The following HDAC11 variants were observed in gnomAD, a reference collection of about 807,000 sequenced individuals.
HDAC11 encodes the protein histone deacetylase 11.
HDAC11 carries 23 observed loss-of-function variants against 41.1 expected under a neutral mutation model. That is an observed-to-expected ratio of 0.56 (90% CI 0.40 to 0.79). The LOEUF is 0.79. Ranked by LOEUF, HDAC11 falls within the 30% of genes least tolerant of loss-of-function variation. The pLI is 0.00. For missense variants in HDAC11, 402 were observed against 477.3 expected (o/e 0.84, Z 1.47); for synonymous variants, 187 against 186.6 (o/e 1.00, Z -0.02).
intron 5 of HDAC11, among the ~76,000 whole-genome samples, chr3:13,499,124 C>G (rs1702238089): frequency 6.6e-6 from 1 of 152,212 alleles, no homozygotes; most frequent in South Asian, 2.1e-4. Flanking sequence ...ATTGTCCCTC[C>G]TGGAGGCACA....
At chr3:13,490,229 T>C (rs1398257058) in intron 3 of HDAC11, among the ~76,000 whole-genome samples, 1 of 152,148 alleles carries the variant, frequency 6.6e-6, no homozygotes, top group Non-Finnish European at 1.5e-5. Context: ...CCTGACCTCA[T>C]GATCTGCCTG....
chr3:13,492,187 C>T (rs575281396), intron 3 of HDAC11, among the ~76,000 whole-genome samples: 44 of 152,316 alleles, frequency 2.9e-4, no homozygotes, highest in African/African-American at 1.1e-3. Context: ...ATCTCTGGGG[C>T]GTGAATGTCA....
intron 3 of HDAC11, among the ~76,000 whole-genome samples, chr3:13,485,504 G>T (rs557427548): frequency 2.7e-4 from 41 of 152,340 alleles, no homozygotes; most frequent in South Asian, 1.2e-3. Flanking sequence ...CCAGGCTGGG[G>T]GTGGGGGGCC....
rs1702401089 is a variant in HDAC11, at chr3:13,502,202, G to GAGTGCAGAGCTC, written c.552+269_552+270insAGTGCAGAGCTC. On this transcript the variant is annotated intron_variant, in intron 7 of 9. Transcript: ENST00000295757. The surrounding 1 kb of genome is among the most constrained non-coding windows in gnomAD (Gnocchi z 4.1). ...AGCCCACTCTGATGGGACTGCTCTC[G>GAGTGCAGAGCTC]TGTGCAGAGCTCTGCTGTGGGTCCC... 2.0e-6 allele frequency: 1 copy of GAGTGCAGAGCTC among 497,316 alleles called. No individual in the cohort carries two copies. The highest frequency in any genetic ancestry group is 1.9e-5 in the African/African-American group (1 of 52,094). 30.8% of individuals were successfully genotyped at this position (497,316 alleles called of 1,614,324 possible).
chr3:13,481,986 C>T (rs1701341682), intron 2 of HDAC11, among the ~76,000 whole-genome samples: 1 of 152,156 alleles, frequency 6.6e-6, no homozygotes, highest in African/African-American at 2.4e-5. Context: ...CTTAATATGG[C>T]ACTCATTATA....
At chr3:13,498,470 G>A (rs778144960) in intron 4 of HDAC11, 43 bp from the exon 5 acceptor site, 3 of 1,612,950 alleles carry the variant, frequency 1.9e-6, no homozygotes, top group South Asian at 1.1e-5. Context: ...ATGACTGGTG[G>A]ATCGGCTGCC....
chr3:13,502,968 C>CAAGCTGGGTAA lies in HDAC11; in HGVS notation c.637_638insAAGCTGGGTAA (p.Arg213GlnfsTer4). 6.2e-7 allele frequency: 1 copy of CAAGCTGGGTAA among 1,613,354 alleles called. No homozygotes were observed. The highest frequency in any genetic ancestry group is 8.5e-7 in the Non-Finnish European group (1 of 1,179,516). On this transcript the variant is annotated stop_gained and frameshift_variant, in exon 8 of 10. Transcript: ENST00000295757. LOFTEE classifies it high-confidence loss of function. The surrounding 1 kb of genome is among the most constrained non-coding windows in gnomAD (Gnocchi z 4.1). The stretch of plus-strand genomic sequence containing the variant: ...CAACCGCCACATCTACCCAGGGGAC[C>CAAGCTGGGTAA]GCTTTGCCAAGCGTAAGCTGCTGCC...
intron 3 of HDAC11, among the ~76,000 whole-genome samples, chr3:13,487,974 C>T (rs1479336658): frequency 1.3e-5 from 2 of 151,768 alleles, no homozygotes; most frequent in Admixed American, 6.6e-5. Flanking sequence ...GGCTTACTAC[C>T]TGTGATCACA....
intron 1 of HDAC11, 42 bp from the exon 2 acceptor site, chr3:13,481,204 G>C (rs760882084): frequency 3.1e-6 from 5 of 1,591,468 alleles, no homozygotes; most frequent in Non-Finnish European, 4.3e-6. Context: ...GCTTTCTGCC[G>C]AGGCTGCCCC....
intron 3 of HDAC11, 80 bp from the exon 4 acceptor site, chr3:13,496,656 C>A: frequency 3.5e-6 from 3 of 857,276 alleles, no homozygotes; most frequent in Non-Finnish European, 3.8e-6. Context: ...GTCCTCAAGG[C>A]ATTTCCCGGG....
intron 3 of HDAC11, among the ~76,000 whole-genome samples, chr3:13,494,131 C>T (rs6796154): frequency 0.15 from 22,197 of 152,200 alleles, 1,944 homozygotes; most frequent in African/African-American, 0.24. Flanking sequence ...GAGTGCTGTG[C>T]GAGACCCGTG....
Position 13,500,777 on chromosome 3 carries a change from G to A in HDAC11, c.477G>A (p.Thr159=), listed in dbSNP as rs765720762. ...GCTTCTGTGCCTATGCGGACATCACGCTCGCCATCAAGGTGTGTCTATGAG... is the reference window on the plus strand; with the variant it reads ...GCTTCTGTGCCTATGCGGACATCACACTCGCCATCAAGGTGTGTCTATGAG... ...GGGFCAYADI[T]LAIKFLFERV... is the part of the protein sequence containing the mutation. The change falls in exon 6 of 10, where the codon ACG becomes ACA. Residue 159 remains threonine, a synonymous_variant. Transcript: ENST00000295757. The A allele has an allele frequency of 8.9e-6, 14 of 1,574,504 alleles. No homozygotes were observed. Among genetic ancestry groups the A allele is most frequent in the Middle Eastern group, 3.4e-4 (2 of 5,932 alleles).
chr3:13,481,507 G>T, intron 2 of HDAC11, 113 bp downstream of exon 2: 1 of 1,295,848 alleles, frequency 7.7e-7, no homozygotes, highest in East Asian at 2.3e-5. Context: ...TTCAGCCCTC[G>T]GATGGCCTTC....
intron 3 of HDAC11, among the ~76,000 whole-genome samples, chr3:13,492,287 GC>G (rs1214633202): frequency 1.3e-5 from 2 of 152,332 alleles, no homozygotes; most frequent in Non-Finnish European, 2.9e-5. Context: ...AGGTGAGGTG[GC>G]TTCTGTCAGG....
rs200639040 is a variant in HDAC11, at chr3:13,504,085, C to G, written c.650-9C>G. The G allele has an allele frequency of 8.4e-5, 136 of 1,613,402 alleles. 1 individual carries two copies. The African/African-American group carries it at 1.7e-3, about 20-fold the overall frequency. On this transcript the variant is annotated splice_polypyrimidine_tract_variant and intron_variant, in intron 8 of 9. Transcript: ENST00000295757. ...CTATAAATTGAGGCCATCCATGTCT[C>G]TCTCCCAGAGGCCATCAGGCGGAAG...
At chr3:13,493,308 C>G (rs897067749) in intron 3 of HDAC11, among the ~76,000 whole-genome samples, 2 of 152,082 alleles carry the variant, frequency 1.3e-5, no homozygotes, top group East Asian at 3.9e-4. Flanking sequence ...CTAGCCCAGG[C>G]CCTCTTCCCT....
At chr3:13,493,612 C>T (rs1169512335) in intron 3 of HDAC11, among the ~76,000 whole-genome samples, 1 of 152,226 alleles carries the variant, frequency 6.6e-6, no homozygotes, top group Non-Finnish European at 1.5e-5. Flanking sequence ...TTGGATGGTG[C>T]TGGTCTAGGG....
At chr3:13,481,431 T>C (rs1374976588) in intron 2 of HDAC11, 37 bp downstream of exon 2, 1 of 1,609,372 alleles carries the variant, frequency 6.2e-7, no homozygotes, top group Admixed American at 1.7e-5. Context: ...ATCTGCTTCC[T>C]CCAACCCACC....
chr3:13,502,790 C>T lies in HDAC11; in HGVS notation c.553-94C>T, dbSNP rs953161496. The T allele has an allele frequency of 4.6e-5, 41 of 892,788 alleles. No homozygotes were observed. The highest frequency in any genetic ancestry group is 6.5e-5 in the Non-Finnish European group (36 of 551,314). 55.3% of individuals were successfully genotyped at this position (892,788 alleles called of 1,614,324 possible). A position where few individuals can be genotyped will look rare whatever the true frequency, so the allele number is the denominator to read the frequency against. On this transcript the variant is annotated intron_variant, in intron 7 of 9. Coordinates refer to ENST00000295757, the MANE Select transcript of HDAC11 (RefSeq NM_024827.4). This position sits in a 1 kb window ranked among gnomAD's most constrained non-coding sequence, Gnocchi z 4.1. ...CCGAGAGCAGGCCGTGCTGCCCTGGCAAATGGGGAGTTTCCTGAGGGGTGG... is the reference window on the plus strand; with the variant it reads ...CCGAGAGCAGGCCGTGCTGCCCTGGTAAATGGGGAGTTTCCTGAGGGGTGG...
Sources: gnomAD v4.1 joint callset for allele counts (sites outside exome capture counted in the v4.1 genomes callset) on GRCh38, gnomAD v4.1.1 for gene constraint, Gnocchi (gnomAD v3.1) non-coding constraint, MANE v1.5 for transcripts, NCBI Gene and HGNC (gene_info 2026-07-23, HGNC 2026-07-21) for gene names.